MBOAT1: variants seen among roughly 807,000 people sequenced by gnomAD.
The protein encoded by MBOAT1 is membrane bound glycerophospholipid O-acyltransferase 1.
In MBOAT1, 67 loss-of-function variants were observed where a neutral mutation model predicts 64.4. The observed-to-expected ratio is 1.04, with a 90% confidence interval of 0.85 to 1.27. MBOAT1 has a LOEUF of 1.27. Ranked by LOEUF, MBOAT1 falls within the 50% of genes most tolerant of loss-of-function variation. The pLI, the probability that MBOAT1 is intolerant of heterozygous loss-of-function variation, is 0.00. For synonymous variants in MBOAT1, 229 were observed against 218.9 expected, an observed-to-expected ratio of 1.05 and a Z score of -0.41; for missense variants, 563 against 604.6, an observed-to-expected ratio of 0.93 and a Z score of 0.72.
At chr6:20,163,733 C>T (rs1031692144) in intron 1 of MBOAT1, among the ~76,000 whole-genome samples, 5 of 152,180 alleles carry the variant, frequency 3.3e-5, no homozygotes, top group Admixed American at 3.3e-4. Context: ...GACCAGAACT[C>T]AGGTGTCCTG....
At chr6:20,107,791 AG>A (rs1359474350) in intron 12 of MBOAT1, among the ~76,000 whole-genome samples, 2 of 148,310 alleles carry the variant, frequency 1.3e-5, no homozygotes, top group East Asian at 3.9e-4. Flanking sequence ...CAGGGCTTAC[AG>A]GAAAAAAAAA....
At chr6:20,136,859 A>G (rs1156552176) in intron 4 of MBOAT1, among the ~76,000 whole-genome samples, 1 of 152,220 alleles carries the variant, frequency 6.6e-6, no homozygotes, top group Non-Finnish European at 1.5e-5. Flanking sequence ...CATTTTCAAT[A>G]TTTCCTTTCA....
chr6:20,111,804 T>TCATATAGATA (rs1373894547), intron 11 of MBOAT1, among the ~76,000 whole-genome samples: 2,493 of 50,798 alleles, frequency 0.049, 19 homozygotes, highest in East Asian at 0.099. Flanking sequence ...TCCACTTTGT[T>TCATATAGATA]CATATATATA....
intron 1 of MBOAT1, among the ~76,000 whole-genome samples, chr6:20,170,775 A>G (rs1184682351): frequency 6.6e-6 from 1 of 152,042 alleles, no homozygotes; most frequent in Non-Finnish European, 1.5e-5. Flanking sequence ...AGCACTTCTC[A>G]CTCTGTATTG....
intron 4 of MBOAT1, among the ~76,000 whole-genome samples, chr6:20,135,483 T>C (rs1250403177): frequency 2.0e-5 from 3 of 152,200 alleles, no homozygotes; most frequent in Non-Finnish European, 4.4e-5. Context: ...AATTTATCTT[T>C]AAAACATTAA....
chr6:20,100,347 A>G lies in MBOAT1; in HGVS notation c.*1939T>C, dbSNP rs562094423. 1.2e-4 allele frequency among the ~76,000 whole-genome samples: 18 copies of G among 152,302 alleles called. No individual in the cohort carries two copies. The highest frequency in any genetic ancestry group is 3.8e-4 in the African/African-American group (16 of 41,570). On this transcript the variant is annotated 3_prime_UTR_variant, in exon 13 of 13. Coordinates refer to ENST00000324607, the MANE Select transcript of MBOAT1 (RefSeq NM_001080480.3). ...TTTTCTTGGTCTCGTACCTCAAACT[A>G]TTCTTGGTGGAGACAAACTCTGACA...
intron 1 of MBOAT1, among the ~76,000 whole-genome samples, chr6:20,159,365 A>T (rs1761782349): frequency 6.6e-6 from 1 of 152,154 alleles, no homozygotes; most frequent in South Asian, 2.1e-4. Flanking sequence ...TATAGCCAAG[A>T]TATGGAAGCA....
chr6:20,106,691 G>C (rs1759968757), intron 12 of MBOAT1, among the ~76,000 whole-genome samples: 1 of 152,050 alleles, frequency 6.6e-6, no homozygotes, highest in African/African-American at 2.4e-5. Flanking sequence ...CAAAGTGCTG[G>C]GATTACAGGC....
At position 20,152,734 on chromosome 6, in the gene MBOAT1, A is replaced by G. The variant is rs770733736; in HGVS notation, c.135T>C (p.Phe45=). ...AGTAGATGCGAAACCAGAAAGCAGC[A>G]AACAGAGCAACAAGCTGGCATACCA... The part of the protein sequence containing the change: ...NFVVCQLVAL[F]AAFWFRIYLR... The change falls in exon 2 of 13, where the codon TTT becomes TTC. Residue 45 remains phenylalanine (F), a synonymous_variant. Transcript: ENST00000324607. 4 of 1,612,492 alleles carry G rather than the reference A, an allele frequency of 2.5e-6. No individual in the cohort carries two copies. Among genetic ancestry groups the G allele is most frequent in the Non-Finnish European group, 3.4e-6 (4 of 1,178,916 alleles).
At position 20,124,529 on chromosome 6, in the gene MBOAT1, A is replaced by C; in HGVS notation, c.786T>G (p.Phe262Leu). The change falls in exon 8 of 13, where the codon TTT (phenylalanine) becomes TTG (leucine). Residue 262 changes from phenylalanine to leucine, a missense_variant. Physicochemically the swap from Phe to Leu is conservative, Grantham distance 22. Coordinates refer to ENST00000324607, the MANE Select transcript of MBOAT1 (RefSeq NM_001080480.3). ...LLLFLTLTKT[F>L]PVTCLVDDWF... Reference sequence around the variant, plus strand: ...AGTCATCCACAAGGCAGGTGACAGGAAAGGTCTTCGTTAGCGTCAAAAACA... The same window carrying C: ...AGTCATCCACAAGGCAGGTGACAGGCAAGGTCTTCGTTAGCGTCAAAAACA... 1 of 1,614,208 alleles carries C rather than the reference A, an allele frequency of 6.2e-7. No homozygotes were observed. Among genetic ancestry groups the C allele is most frequent in the East Asian group, 2.2e-5 (1 of 44,874 alleles).
At position 20,174,002 on chromosome 6, in the gene MBOAT1, G is replaced by A. The variant is rs555769218; in HGVS notation, c.100-21233C>T. 5.9e-5 allele frequency among the ~76,000 whole-genome samples: 9 copies of A among 152,250 alleles called. No homozygotes were observed. In the East Asian group the frequency reaches 1.7e-3, roughly 29 times the overall value. On this transcript the variant is annotated intron_variant, in intron 1 of 12. Coordinates refer to ENST00000324607, the MANE Select transcript of MBOAT1 (RefSeq NM_001080480.3). Reference sequence around the variant, plus strand: ...CAAACATGTAGGGGATGGGAAGTAAGTATGAAGAGGAAAGACAAAAAGGAT... The same window carrying A: ...CAAACATGTAGGGGATGGGAAGTAAATATGAAGAGGAAAGACAAAAAGGAT...
chr6:20,205,710 G>A (rs573940115), intron 1 of MBOAT1, among the ~76,000 whole-genome samples: 2 of 151,996 alleles, frequency 1.3e-5, no homozygotes, highest in African/African-American at 4.8e-5. Flanking sequence ...CCTCACCATC[G>A]TACCCCCAAC....
At position 20,128,732 on chromosome 6, in the gene MBOAT1, T is replaced by A. The variant is rs773430723; in HGVS notation, c.497A>T (p.Asp166Val). The part of the protein sequence containing the change: ...VHDGLGRRAE[D>V]LSAEQHRLAI... ...AAGTCGATGTTGTTCAGCAGAAAGG[T>A]CTTCAGCTCTTCGACCTAATCCTAT... Residue 166 changes from aspartate (D) to valine (V), a missense_variant, in exon 6 of 13, where the codon GAC becomes GTC. Asp to Val is a radical substitution (Grantham distance 152). Transcript: ENST00000324607. 1 of 1,610,282 alleles carries A rather than the reference T, an allele frequency of 6.2e-7. No homozygotes were observed. Among genetic ancestry groups the A allele is most frequent in the Non-Finnish European group, 8.5e-7 (1 of 1,178,554 alleles).
chr6:20,102,526 A>C, intron 12 of MBOAT1, 114 bp from the exon 13 acceptor site: 1 of 815,674 alleles, frequency 1.2e-6, no homozygotes, highest in South Asian at 1.8e-5. Context: ...TGGCAGTAGG[A>C]GGCCTGTCTA....
At position 20,103,704 on chromosome 6, in the gene MBOAT1, G is replaced by A. The variant is rs185907287; in HGVS notation, c.1362-1292C>T. On this transcript the variant is annotated intron_variant, in intron 12 of 12. Transcript: ENST00000324607. ...AGCCTCCCAAACTGCTGGGATTGCAGGCATGAGCCACCATGCCCGGCCACC... is the reference window on the plus strand; with the variant it reads ...AGCCTCCCAAACTGCTGGGATTGCAAGCATGAGCCACCATGCCCGGCCACC... Among the ~76,000 whole-genome samples, 400 of 152,300 alleles carry A rather than the reference G, an allele frequency of 2.6e-3. 1 individual carries two copies. The highest frequency in any genetic ancestry group is 4.7e-3 in the Non-Finnish European group (318 of 68,022).
intron 1 of MBOAT1, among the ~76,000 whole-genome samples, chr6:20,201,870 C>T (rs1451480147): frequency 6.6e-6 from 1 of 151,916 alleles, no homozygotes; most frequent in Admixed American, 6.6e-5. Context: ...AGCTGAGCCA[C>T]CCTGCCCGGC....
chr6:20,185,921 C>T (rs1336761577), intron 1 of MBOAT1, among the ~76,000 whole-genome samples: 2 of 152,158 alleles, frequency 1.3e-5, no homozygotes, highest in Admixed American at 1.3e-4. Flanking sequence ...GGGGCTCATG[C>T]CTCTAATCCC....
chr6:20,141,961 C>T (rs1465060951), intron 4 of MBOAT1, among the ~76,000 whole-genome samples: 13 of 152,194 alleles, frequency 8.5e-5, no homozygotes. Context: ...GCCCTCCCTT[C>T]TGCCTGGAAT....
At chr6:20,200,404 G>T (rs1053367518) in intron 1 of MBOAT1, among the ~76,000 whole-genome samples, 2 of 152,166 alleles carry the variant, frequency 1.3e-5, no homozygotes, top group Admixed American at 1.3e-4. Flanking sequence ...CACTAAGGTT[G>T]AAGGTCTTGA....
Sources: gnomAD v4.1 joint callset for allele counts (sites outside exome capture counted in the v4.1 genomes callset) on GRCh38, gnomAD v4.1.1 for gene constraint, MANE v1.5 for transcripts, NCBI Gene and HGNC (gene_info 2026-07-23, HGNC 2026-07-21) for gene names.